Variants in SPG11 observed in about 807,000 individuals in gnomAD.
SPG11 encodes spatacsin.
A neutral mutation model predicts 274.0 loss-of-function variants in SPG11; 222 were observed. The observed-to-expected ratio is 0.81, with a 90% CI of 0.73 to 0.91. SPG11 has a LOEUF of 0.91. SPG11 is among the 40% of genes least tolerant of loss of function. The probability of loss-of-function intolerance (pLI) is 0.00; values close to 1 mark genes in which losing one functional copy is unlikely to be tolerated. For missense variants in SPG11, 3,114 were observed against 2,872.7 expected (o/e 1.08, Z -1.92); for synonymous variants, 1,144 against 1,039.7 (o/e 1.10, Z -1.93).
rs2082221661 is a variant in SPG11 at position 44,562,906 on chromosome 15, A to G, written c.*215T>C. 1.8e-6 allele frequency: 1 copy of G among 556,974 alleles called. No individual in the cohort carries two copies. Among genetic ancestry groups the G allele is most frequent in the African/African-American group, 1.9e-5 (1 of 52,974 alleles). The allele number at this position is 556,974 out of a possible 1,614,324, so 34.5% of individuals were successfully genotyped here. Reference sequence around the variant, plus strand: ...ATCTTAATACTAGTATCTATATAAAATGGTGTGGATGAACAATCATCTAAA... The same window carrying G: ...ATCTTAATACTAGTATCTATATAAAGTGGTGTGGATGAACAATCATCTAAA... On this transcript the variant is annotated 3_prime_UTR_variant, in exon 40 of 40. Transcript: ENST00000261866.
chr15:44,593,148 C>T (rs1338253754), intron 26 of SPG11, among the ~76,000 whole-genome samples: 1 of 152,180 alleles, frequency 6.6e-6, no homozygotes, highest in African/African-American at 2.4e-5. Flanking sequence ...CTATTGCACA[C>T]AGGCAGGAAG....
rs1213193044 is a variant in SPG11, at chr15:44,592,456, A to G, written c.4636-18T>C. 4.8e-6 allele frequency: 7 copies of G among 1,452,318 alleles called. No individual in the cohort carries two copies. The highest frequency in any genetic ancestry group is 6.8e-6 in the Non-Finnish European group (7 of 1,032,828). The allele number at this position is 1,452,318 out of a possible 1,614,324, so 90.0% of individuals were successfully genotyped here. ...GGGGAATCCTTTGACAAAGAGTTTG[A>G]AAAAAATTACAAAATTTTGAACTTA... On this transcript the variant is annotated intron_variant, in intron 26 of 39. Coordinates refer to ENST00000261866, the MANE Select transcript of SPG11 (RefSeq NM_025137.4).
intron 30 of SPG11, 100 bp downstream of exon 30, chr15:44,583,714 A>T: frequency 6.5e-7 from 1 of 1,531,976 alleles, no homozygotes; most frequent in Non-Finnish European, 9.0e-7. Flanking sequence ...TTGTCCCCTT[A>T]ACTTGGTAGA....
chr15:44,622,399 T>G, intron 12 of SPG11, 52 bp from the exon 13 acceptor site: 1 of 1,409,924 alleles, frequency 7.1e-7, no homozygotes, highest in Non-Finnish European at 9.8e-7. Flanking sequence ...CAAGCACTTT[T>G]GCAAAAAATG....
At chr15:44,604,905 G>C (rs1238263855) in intron 20 of SPG11, among the ~76,000 whole-genome samples, 2 of 115,916 alleles carry the variant, frequency 1.7e-5, no homozygotes, top group Non-Finnish European at 1.6e-5. Flanking sequence ...CTGCACTCCA[G>C]CCTGGGCGGA....
rs376587233 is a variant in SPG11 at position 44,598,673 on chromosome 15, T to C, written c.3850A>G (p.Arg1284Gly). 8 of 1,614,240 alleles carry C rather than the reference T, an allele frequency of 5.0e-6. No homozygotes were observed. The highest frequency in any genetic ancestry group is 5.9e-6 in the Non-Finnish European group (7 of 1,180,034). The part of the protein sequence containing the change: ...VANIILSYKC[R>G]NEDAQYSFIR... Reference sequence around the variant, plus strand: ...AAGCTGTACTGAGCATCTTCATTTCTGCACTTGTAGCTCAAAATTATATTG... The same window carrying C: ...AAGCTGTACTGAGCATCTTCATTTCCGCACTTGTAGCTCAAAATTATATTG... The change falls in exon 22 of 40, where the codon AGA becomes GGA. Residue 1284 changes from arginine (R) to glycine (G), a missense_variant. By Grantham distance (125) the Arg-to-Gly change is moderately radical. Transcript: ENST00000261866.
intron 3 of SPG11, among the ~76,000 whole-genome samples, chr15:44,657,790 T>C (rs1236591586): frequency 6.6e-6 from 1 of 152,252 alleles, no homozygotes; most frequent in African/African-American, 2.4e-5. Context: ...AGGTTTAAAG[T>C]TGGAACAACT....
intron 30 of SPG11, among the ~76,000 whole-genome samples, chr15:44,576,896 G>A (rs184542328): frequency 2.6e-5 from 4 of 151,190 alleles, no homozygotes; most frequent in African/African-American, 7.2e-5. Context: ...GCACCATCTC[G>A]GTTCACTGCA....
rs1172744837 is a variant in SPG11 at position 44,620,183 on chromosome 15, A to G, written c.2834+7T>C. ...CCCATTGGGTATTAGTTCAACAGTT[A>G]TAATACCTGGCCAGCTTATCTAAAA... is the stretch of plus-strand genomic sequence containing the variant. On this transcript the variant is annotated splice_region_variant and intron_variant, in intron 15 of 39. Coordinates refer to ENST00000261866, the MANE Select transcript of SPG11 (RefSeq NM_025137.4). The G allele has an allele frequency of 6.2e-7, 1 of 1,604,266 alleles. No homozygotes were observed. Among genetic ancestry groups the G allele is most frequent in the Non-Finnish European group, 8.5e-7 (1 of 1,171,240 alleles).
intron 4 of SPG11, among the ~76,000 whole-genome samples, chr15:44,654,369 G>A (rs1460767011): frequency 6.6e-6 from 1 of 151,992 alleles, no homozygotes; most frequent in African/African-American, 2.4e-5. Context: ...TTAGCTGGGC[G>A]TGGTGGCACA....
intron 7 of SPG11, among the ~76,000 whole-genome samples, chr15:44,636,083 G>A (rs1307918439): frequency 6.6e-6 from 1 of 152,008 alleles, no homozygotes; most frequent in Non-Finnish European, 1.5e-5. Flanking sequence ...TAATCTACAG[G>A]TCATGGTGAG....
intron 36 of SPG11, among the ~76,000 whole-genome samples, chr15:44,567,037 G>C (rs1264238098): frequency 1.3e-5 from 2 of 151,858 alleles, no homozygotes; most frequent in East Asian, 3.9e-4. Flanking sequence ...CATCTCATGG[G>C]CTCTTGTCCT....
In SPG11 at chr15:44,566,080, C is replaced by T. The variant is rs74363814; in HGVS notation, c.6844-71G>A. ...TCACCTCCTGTGTGAACCCTCACAA[C>T]GGTATTCACCCCTTCTGTTCCTGGT... is the stretch of plus-strand genomic sequence containing the variant. On this transcript the variant is annotated intron_variant, in intron 37 of 39. Transcript: ENST00000261866. 5,413 of 1,597,770 alleles carry T rather than the reference C, an allele frequency of 3.4e-3. 216 individuals carry two copies. The East Asian group carries it at 0.082, about 24-fold the overall frequency.
At chr15:44,581,329 C>G (rs2082654836) in intron 30 of SPG11, among the ~76,000 whole-genome samples, 1 of 152,136 alleles carries the variant, frequency 6.6e-6, no homozygotes, top group African/African-American at 2.4e-5. Context: ...GCCTTAGCCC[C>G]TCAAGTAGCT....
At chr15:44,638,624 G>A in intron 7 of SPG11, among the ~76,000 whole-genome samples, 1 of 151,940 alleles carries the variant, frequency 6.6e-6, no homozygotes, top group Admixed American at 6.6e-5. Flanking sequence ...AACTAGTTTA[G>A]GGCACAAAGG....
At chr15:44,596,471 A>G in intron 24 of SPG11, 116 bp from the exon 25 acceptor site, 7 of 1,146,602 alleles carry the variant, frequency 6.1e-6, no homozygotes, top group South Asian at 1.3e-5. Flanking sequence ...ACTAAGTCAG[A>G]GTGACTATTA....
At chr15:44,580,748 G>A (rs1056937172) in intron 30 of SPG11, among the ~76,000 whole-genome samples, 1 of 152,198 alleles carries the variant, frequency 6.6e-6, no homozygotes, top group African/African-American at 2.4e-5. Flanking sequence ...CCGAGATTGC[G>A]CCACTGCACT....
At chr15:44,597,949 T>G (rs951359897) in intron 23 of SPG11, among the ~76,000 whole-genome samples, 2 of 152,224 alleles carry the variant, frequency 1.3e-5, no homozygotes, top group African/African-American at 2.4e-5. Flanking sequence ...ACCCACATCT[T>G]CTGGCATTTC....
At chr15:44,607,148 T>C (rs538589842) in intron 19 of SPG11, among the ~76,000 whole-genome samples, 69 of 152,292 alleles carry the variant, frequency 4.5e-4, no homozygotes, top group African/African-American at 1.7e-3. Flanking sequence ...ACAGCAGATA[T>C]ATATTTTGGT....
Sources: gnomAD v4.1 joint callset for allele counts (sites outside exome capture counted in the v4.1 genomes callset) on GRCh38, gnomAD v4.1.1 for gene constraint, MANE v1.5 for transcripts, NCBI Gene and HGNC (gene_info 2026-07-23, HGNC 2026-07-21) for gene names.